ARHGEF12: variants seen among roughly 807,000 people sequenced by gnomAD.
The protein encoded by ARHGEF12 is KMT2A/ARHGEF12 fusion protein.
In ARHGEF12, 66 loss-of-function variants were observed where a neutral mutation model predicts 211.2. The observed-to-expected ratio is 0.31, with a 90% CI of 0.26 to 0.38. ARHGEF12 has a LOEUF of 0.38. Ranked by LOEUF, ARHGEF12 falls within the 10% of genes least tolerant of loss-of-function variation. The pLI, the probability that ARHGEF12 is intolerant of heterozygous loss-of-function variation, is 1.00. For synonymous variants in ARHGEF12, 592 were observed against 638.4 expected (o/e 0.93, Z 1.09); for missense variants, 1,429 against 1,869.5 (o/e 0.76, Z 4.34).
intron 3 of ARHGEF12, 192 bp from the exon 4 acceptor site, chr11:120,409,202 G>T (rs922335856): frequency 7.0e-5 from 36 of 513,412 alleles, no homozygotes; most frequent in South Asian, 2.5e-4. Flanking sequence ...TCTTTTCTTC[G>T]ATAAATCTTT....
intron 1 of ARHGEF12, among the ~76,000 whole-genome samples, chr11:120,363,858 A>G (rs1290678516): frequency 1.3e-5 from 2 of 152,174 alleles, no homozygotes; most frequent in Non-Finnish European, 2.9e-5. Flanking sequence ...AGTGCTTTGG[A>G]TGGAGAAATA....
At chr11:120,484,398 A>G (rs1186447048) in intron 39 of ARHGEF12, 40 bp from the exon 40 acceptor site, 1 of 1,576,536 alleles carries the variant, frequency 6.3e-7, no homozygotes, top group Non-Finnish European at 8.7e-7. Context: ...GTTTTGTTTC[A>G]TTACGTTTGA....
chr11:120,455,609 A>G (rs1946338683), intron 22 of ARHGEF12, among the ~76,000 whole-genome samples: 1 of 152,204 alleles, frequency 6.6e-6, no homozygotes, highest in Non-Finnish European at 1.5e-5. Flanking sequence ...ATGAGAGGAA[A>G]AATTAAGAAA....
In ARHGEF12 at chr11:120,446,448, A is replaced by G. The variant is rs770694253; in HGVS notation, c.1391A>G (p.Tyr464Cys). The G allele has an allele frequency of 1.7e-5, 27 of 1,613,312 alleles. No individual in the cohort carries two copies. Among genetic ancestry groups the G allele is most frequent in the Admixed American group, 3.3e-5 (2 of 59,988 alleles). Reference protein sequence around the residue: ...ELIPEDLHRHYIQTMQERVHP... With the variant: ...ELIPEDLHRHCIQTMQERVHP... ...ATTCCTGAGGATCTGCATCGCCACTATATCCAAACTATGCAAGAAAGAGTC... is the reference window on the plus strand; with the variant it reads ...ATTCCTGAGGATCTGCATCGCCACTGTATCCAAACTATGCAAGAAAGAGTC... The change falls in exon 17 of 41, where the codon TAT (tyrosine) becomes TGT (cysteine). Residue 464 changes from tyrosine (Y) to cysteine (C), a missense_variant. Physicochemically the swap from Tyr to Cys is radical, Grantham distance 194 (BLOSUM62 -2). Transcript: ENST00000397843.
At chr11:120,420,299 A>G (rs1422738673) in intron 4 of ARHGEF12, among the ~76,000 whole-genome samples, 1 of 151,938 alleles carries the variant, frequency 6.6e-6, no homozygotes, top group Non-Finnish European at 1.5e-5. Context: ...GTGAGACTGG[A>G]TTTCTGCAGA....
chr11:120,477,307 T>C lies in ARHGEF12; in HGVS notation c.3452+2T>C. ...ATTACCACAGTCAACACCTGGCGAGTGAGTGTTCCTTTGCATTGTAGTAGG... is the reference window on the plus strand; with the variant it reads ...ATTACCACAGTCAACACCTGGCGAGCGAGTGTTCCTTTGCATTGTAGTAGG... On this transcript the variant is annotated splice_donor_variant, in intron 35 of 40. Transcript: ENST00000397843. LOFTEE classifies it high-confidence loss of function. 1 of 1,613,516 alleles carries C rather than the reference T, an allele frequency of 6.2e-7. No individual in the cohort carries two copies. Among genetic ancestry groups the C allele is most frequent in the Admixed American group, 1.7e-5 (1 of 59,924 alleles).
intron 3 of ARHGEF12, chr11:120,408,491 C>T (rs978355573): frequency 6.6e-6 from 1 of 152,026 alleles, no homozygotes; most frequent in African/African-American, 2.4e-5. Flanking sequence ...GCTTGGTAAT[C>T]TTGCTTTTTT....
intron 1 of ARHGEF12, among the ~76,000 whole-genome samples, chr11:120,368,475 T>G (rs532787572): frequency 1.3e-5 from 2 of 152,306 alleles, no homozygotes; most frequent in African/African-American, 4.8e-5. Context: ...GGAATCGGCA[T>G]TTGTTTATTA....
chr11:120,455,259 G>A (rs1323942020), intron 22 of ARHGEF12, among the ~76,000 whole-genome samples: 1 of 152,104 alleles, frequency 6.6e-6, no homozygotes, highest in Non-Finnish European at 1.5e-5. Flanking sequence ...CAGGTGGAAA[G>A]GGCTCACTGA....
chr11:120,337,409 G>A, intron 1 of ARHGEF12, 134 bp downstream of exon 1: 2 of 1,515,048 alleles, frequency 1.3e-6, no homozygotes, highest in Non-Finnish European at 8.9e-7. Flanking sequence ...GAGCTGTGCA[G>A]TTAGCCTGGG....
At chr11:120,443,933 G>A (rs1001344250) in intron 15 of ARHGEF12, among the ~76,000 whole-genome samples, 1 of 152,172 alleles carries the variant, frequency 6.6e-6, no homozygotes, top group Admixed American at 6.5e-5. Context: ...TGCAAATACA[G>A]TGCCATTTTG....
In ARHGEF12 at chr11:120,347,173, TTC is replaced by T. The variant is rs1565417151; in HGVS notation, c.32+9899_32+9900del. 2.9e-4 allele frequency among the ~76,000 whole-genome samples: 26 copies of T among 89,794 alleles called. 1 individual carries two copies. The highest frequency in any genetic ancestry group is 2.1e-3 in the Admixed American group (19 of 9,172). The allele number at this position is 89,794 out of a possible 152,430, so 58.9% of individuals were successfully genotyped here. ...CTTCCTTCCTTCCTTCCTTCCTTCC[TTC>T]CTTCCTTCCTTTCTTTCTTTCTTTC... On this transcript the variant is annotated intron_variant, in intron 1 of 40. Transcript: ENST00000397843.
chr11:120,362,875 C>T (rs866418128), intron 1 of ARHGEF12, among the ~76,000 whole-genome samples: 4 of 151,798 alleles, frequency 2.6e-5, no homozygotes, highest in Admixed American at 6.6e-5. Flanking sequence ...CCGAGGCGGG[C>T]GGATCATGAG....
At chr11:120,460,894 G>A in intron 27 of ARHGEF12, 137 bp downstream of exon 27, 1 of 734,706 alleles carries the variant, frequency 1.4e-6, no homozygotes, top group Non-Finnish European at 2.3e-6. Context: ...AGGTCAAGCA[G>A]TAGATTCCAT....
At chr11:120,401,709 G>T (rs1944551912) in intron 1 of ARHGEF12, among the ~76,000 whole-genome samples, 2 of 152,242 alleles carry the variant, frequency 1.3e-5, no homozygotes, top group African/African-American at 4.8e-5. Flanking sequence ...AAAATTTAAA[G>T]TGCAGATTGT....
At chr11:120,398,905 T>C (rs1438987692) in intron 1 of ARHGEF12, among the ~76,000 whole-genome samples, 1 of 152,164 alleles carries the variant, frequency 6.6e-6, no homozygotes, top group South Asian at 2.1e-4. Context: ...CATAATACAT[T>C]TCTTATATAA....
intron 4 of ARHGEF12, among the ~76,000 whole-genome samples, chr11:120,413,773 TC>T (rs1591559508): frequency 6.6e-6 from 1 of 152,194 alleles, no homozygotes; most frequent in African/African-American, 2.4e-5. Flanking sequence ...TCCACTCCCT[TC>T]CCTGAAGCTG....
intron 10 of ARHGEF12, 134 bp downstream of exon 10, chr11:120,429,965 A>T: frequency 1.0e-6 from 1 of 956,848 alleles, no homozygotes; most frequent in Non-Finnish European, 1.5e-6. Context: ...CCTGTTAAGG[A>T]TGTTACAGAA....
chr11:120,467,833 A>G (rs1255557617), intron 29 of ARHGEF12, among the ~76,000 whole-genome samples: 1 of 152,172 alleles, frequency 6.6e-6, no homozygotes, highest in Non-Finnish European at 1.5e-5. Context: ...ACTATGAATC[A>G]TAGACCAAGT....
Sources: gnomAD v4.1 joint callset for allele counts (sites outside exome capture counted in the v4.1 genomes callset) on GRCh38, gnomAD v4.1.1 for gene constraint, MANE v1.5 for transcripts, NCBI Gene and HGNC (gene_info 2026-07-23, HGNC 2026-07-21) for gene names.